NR3C1: variants seen among roughly 807,000 people sequenced by gnomAD.
NR3C1 encodes the protein glucocorticoid receptor.
Under a neutral mutation model 74.0 loss-of-function variants are expected in NR3C1, and 14 were observed. The observed-to-expected ratio is 0.19, with a 90% confidence interval of 0.12 to 0.30. The LOEUF (loss-of-function observed/expected upper bound fraction) is 0.30. Among genes scored for constraint, NR3C1 ranks in the 10% least tolerant of loss-of-function variants. NR3C1 has a pLI of 1.00. For synonymous variants in NR3C1, 308 were observed against 332.5 expected, an observed-to-expected ratio of 0.93 and a Z score of 0.80; for missense variants, 695 against 909.8, an observed-to-expected ratio of 0.76 and a Z score of 3.04.
chr5:143,305,251 C>G (rs1188162612), intron 4 of NR3C1, among the ~76,000 whole-genome samples: 1 of 152,082 alleles, frequency 6.6e-6, no homozygotes, highest in African/African-American at 2.4e-5. Context: ...GTGTGGCCAA[C>G]AAACATATGG....
intron 3 of NR3C1, among the ~76,000 whole-genome samples, chr5:143,312,793 A>G (rs1209167055): frequency 6.6e-6 from 1 of 152,156 alleles, no homozygotes; most frequent in African/African-American, 2.4e-5. Context: ...AGCAGTTAAG[A>G]AAGTGAGGAG....
At chr5:143,316,398 A>G (rs534087573) in intron 2 of NR3C1, among the ~76,000 whole-genome samples, 85 of 152,348 alleles carry the variant, frequency 5.6e-4, no homozygotes, top group African/African-American at 2.0e-3. Flanking sequence ...AGTATTCTGT[A>G]ATGTTTACCC....
At chr5:143,347,222 T>C (rs1829450232) in intron 2 of NR3C1, among the ~76,000 whole-genome samples, 1 of 152,248 alleles carries the variant, frequency 6.6e-6, no homozygotes, top group Non-Finnish European at 1.5e-5. Context: ...TTTCAAAATC[T>C]TCTCATCTGT....
At chr5:143,360,022 T>C (rs917692667) in intron 2 of NR3C1, among the ~76,000 whole-genome samples, 1 of 152,246 alleles carries the variant, frequency 6.6e-6, no homozygotes, top group African/African-American at 2.4e-5. Flanking sequence ...GAAACCCATG[T>C]ACTATTTATA....
intron 2 of NR3C1, among the ~76,000 whole-genome samples, chr5:143,348,976 A>AT (rs1829776837): frequency 6.6e-6 from 1 of 152,248 alleles, no homozygotes; most frequent in Admixed American, 6.5e-5. Context: ...ACCTGGTGAA[A>AT]TTTTACACAA....
At chr5:143,298,977 ACACTTT>A (rs879706251) in intron 5 of NR3C1, among the ~76,000 whole-genome samples, 165 bp from the exon 6 acceptor site, 13 of 150,370 alleles carry the variant, frequency 8.6e-5, no homozygotes, top group Non-Finnish European at 1.3e-4. Flanking sequence ...CTGTCATCTG[ACACTTT>A]AAGACTCACA....
At chr5:143,373,614 A>G (rs879845820) in intron 2 of NR3C1, among the ~76,000 whole-genome samples, 17 of 149,358 alleles carry the variant, frequency 1.1e-4, no homozygotes, top group Non-Finnish European at 2.1e-4. Flanking sequence ...AGTATAATAT[A>G]AAAAAAAAAG....
At chr5:143,346,845 G>A (rs1441806145) in intron 2 of NR3C1, among the ~76,000 whole-genome samples, 1 of 152,176 alleles carries the variant, frequency 6.6e-6, no homozygotes, top group Non-Finnish European at 1.5e-5. Flanking sequence ...GAAAACAAGA[G>A]AATCACAAAA....
chr5:143,428,131 G>A (rs2151962835), intron 1 of NR3C1, among the ~76,000 whole-genome samples: 1 of 152,246 alleles, frequency 6.6e-6, no homozygotes, highest in Non-Finnish European at 1.5e-5. Context: ...GGACTTACAG[G>A]CGAATAGATT....
At chr5:143,426,058 C>T (rs924017243) in intron 1 of NR3C1, among the ~76,000 whole-genome samples, 25 of 152,102 alleles carry the variant, frequency 1.6e-4, no homozygotes, top group Non-Finnish European at 1.6e-4. Context: ...AAGTGTGGAT[C>T]GATGCATGCT....
chr5:143,421,310 C>A (rs1256268906), intron 1 of NR3C1, among the ~76,000 whole-genome samples: 1 of 152,110 alleles, frequency 6.6e-6, no homozygotes, highest in Non-Finnish European at 1.5e-5. Flanking sequence ...ATCCTTCATC[C>A]CTTATTTTCT....
At chr5:143,292,832 T>C (rs1037681634) in intron 7 of NR3C1, among the ~76,000 whole-genome samples, 2 of 152,156 alleles carry the variant, frequency 1.3e-5, no homozygotes, top group Non-Finnish European at 2.9e-5. Flanking sequence ...ATCTTGGCTG[T>C]TTCTCTGTAT....
intron 1 of NR3C1, among the ~76,000 whole-genome samples, chr5:143,415,345 A>T (rs4529231): frequency 6.6e-6 from 1 of 151,978 alleles, no homozygotes; most frequent in Non-Finnish European, 1.5e-5. Context: ...AGAGGCTGGG[A>T]AGGGCAGGGG....
chr5:143,304,697 T>TA (rs201730098), intron 4 of NR3C1, among the ~76,000 whole-genome samples: 190 of 150,230 alleles, frequency 1.3e-3, no homozygotes, highest in East Asian at 3.3e-3. Flanking sequence ...ATGGTACTGG[T>TA]AAAAAAAAAC....
chr5:143,299,002 TG>T (rs1307024005), intron 5 of NR3C1, among the ~76,000 whole-genome samples, 190 bp from the exon 6 acceptor site: 108 of 136,500 alleles, frequency 7.9e-4, no homozygotes, highest in African/African-American at 2.9e-3. Context: ...CAAACCCTCT[TG>T]TGTTTTTTTT....
intron 2 of NR3C1, among the ~76,000 whole-genome samples, chr5:143,347,854 A>G (rs1477574657): frequency 6.6e-6 from 1 of 152,238 alleles, no homozygotes; most frequent in Admixed American, 6.5e-5. Flanking sequence ...AAATTTCTTC[A>G]GTTAGCAAAT....
intron 2 of NR3C1, among the ~76,000 whole-genome samples, chr5:143,393,310 C>CAT (rs1838620445): frequency 6.6e-6 from 1 of 152,252 alleles, no homozygotes; most frequent in Admixed American, 6.5e-5. Context: ...TTACTTCCCT[C>CAT]ATCAAATTGA....
At chr5:143,363,739 GAA>G (rs1832700242) in intron 2 of NR3C1, among the ~76,000 whole-genome samples, 1 of 152,090 alleles carries the variant, frequency 6.6e-6, no homozygotes, top group South Asian at 2.1e-4. Flanking sequence ...TTTTGAAGTA[GAA>G]TAACTGAAAT....
intron 2 of NR3C1, among the ~76,000 whole-genome samples, chr5:143,367,146 C>A (rs1376537783): frequency 1.3e-5 from 2 of 152,026 alleles, no homozygotes; most frequent in African/African-American, 4.8e-5. Flanking sequence ...CATAAAAGAC[C>A]AGAAAAACAC....
Sources: allele counts gnomAD v4.1 joint callset (sites outside exome capture counted in the v4.1 genomes callset), GRCh38; gene constraint gnomAD v4.1.1; transcripts MANE v1.5; gene names NCBI Gene and HGNC (gene_info 2026-07-23, HGNC 2026-07-21).